The following FRYL variants were observed in gnomAD, a reference collection of about 807,000 sequenced individuals.
FRYL encodes protein furry homolog-like.
A neutral mutation model predicts 351.2 loss-of-function variants in FRYL; 150 were observed. The observed-to-expected ratio is 0.43, with a 90% confidence interval of 0.37 to 0.49. The LOEUF (loss-of-function observed/expected upper bound fraction) is 0.49. FRYL is among the 20% of genes least tolerant of loss of function. The probability of loss-of-function intolerance (pLI) is 0.00; values close to 1 mark genes in which losing one functional copy is unlikely to be tolerated. For synonymous variants in FRYL, 1,153 were observed against 1,257.1 expected (o/e 0.92, Z 1.75); for missense variants, 3,036 against 3,619.3 (o/e 0.84, Z 4.13).
chr4:48,682,629 A>G (rs1343581938), intron 3 of FRYL, among the ~76,000 whole-genome samples: 1 of 152,226 alleles, frequency 6.6e-6, no homozygotes. Flanking sequence ...ACACTTCTCA[A>G]AAGAAGACAT....
chr4:48,565,014 A>G lies in FRYL; in HGVS notation c.3360T>C (p.Pro1120=). ...KAMSAVLCCG[P]VADNVGLSSD... ...ATGAAAGTCCTACATTATCTGCAAC[A>G]GGGCCACAACACAGTACAGCAGACA... The change falls in exon 30 of 64, where the codon CCT becomes CCC. Residue 1120 remains proline, a synonymous_variant. Coordinates refer to ENST00000358350, the MANE Select transcript of FRYL (RefSeq NM_015030.2). 6.2e-7 allele frequency: 1 copy of G among 1,606,928 alleles called. No homozygotes were observed. Among genetic ancestry groups the G allele is most frequent in the South Asian group, 1.1e-5 (1 of 90,636 alleles).
At chr4:48,658,563 C>T (rs1302774132) in intron 3 of FRYL, among the ~76,000 whole-genome samples, 4 of 143,284 alleles carry the variant, frequency 2.8e-5, no homozygotes, top group East Asian at 2.0e-4. Flanking sequence ...ATGGCAAAAC[C>T]CTCATCTCTA....
chr4:48,662,980 T>G (rs1195972002), intron 3 of FRYL, among the ~76,000 whole-genome samples: 1 of 152,042 alleles, frequency 6.6e-6, no homozygotes, highest in East Asian at 1.9e-4. Flanking sequence ...AAAAAGAAGT[T>G]CTTCAGGTGG....
rs188031071 is a variant in FRYL, at chr4:48,613,114, T to C, written c.412-3291A>G. On this transcript the variant is annotated intron_variant, in intron 7 of 63. Coordinates refer to ENST00000358350, the MANE Select transcript of FRYL (RefSeq NM_015030.2). ...CTATCTTGGGGATAAGACCCAAATC[T>C]AATCACAAAATGTTGTTTGTTTCAT... is the stretch of plus-strand genomic sequence containing the variant. 4.6e-5 allele frequency among the ~76,000 whole-genome samples: 7 copies of C among 152,342 alleles called. No individual in the cohort carries two copies. In the East Asian group the frequency reaches 1.3e-3, roughly 29 times the overall value.
chr4:48,685,288 C>G (rs1269398939), intron 2 of FRYL, among the ~76,000 whole-genome samples: 1 of 152,058 alleles, frequency 6.6e-6, no homozygotes, highest in Non-Finnish European at 1.5e-5. Flanking sequence ...TCAAATTTCC[C>G]CAATTGTCTC....
chr4:48,565,314 A>T (rs769992578), intron 29 of FRYL, among the ~76,000 whole-genome samples: 1 of 152,214 alleles, frequency 6.6e-6, no homozygotes, highest in Non-Finnish European at 1.5e-5. Flanking sequence ...AGTAATCCTA[A>T]GTTCTTTAAG....
chr4:48,532,944 A>G (rs1344071028), intron 49 of FRYL, among the ~76,000 whole-genome samples: 2 of 152,236 alleles, frequency 1.3e-5, no homozygotes, highest in Admixed American at 6.5e-5. Context: ...AGAAATCTGG[A>G]AAAAAAATTG....
intron 13 of FRYL, among the ~76,000 whole-genome samples, chr4:48,601,515 C>T (rs1000340749): frequency 2.0e-5 from 3 of 152,104 alleles, no homozygotes; most frequent in African/African-American, 7.2e-5. Context: ...TGACAAGTAC[C>T]CTTTCATTCA....
chr4:48,579,064 T>C lies in FRYL; in HGVS notation c.2437A>G (p.Asn813Asp). 1 of 1,614,034 alleles carries C rather than the reference T, an allele frequency of 6.2e-7. No individual in the cohort carries two copies. Among genetic ancestry groups the C allele is most frequent in the Non-Finnish European group, 8.5e-7 (1 of 1,179,916 alleles). ...ISLSSFLKQE[N>D]LPKHCSTAVS... ...GCTGTAGAGCAGTGTTTAGGAAGATTTTCTTGCTTTAAAAAACTGGAGAGA... is the reference window on the plus strand; with the variant it reads ...GCTGTAGAGCAGTGTTTAGGAAGATCTTCTTGCTTTAAAAAACTGGAGAGA... Residue 813 changes from asparagine to aspartate, a missense_variant, in exon 23 of 64, where the codon AAT becomes GAT. This residue lies in a region of FRYL where 492 missense variants were observed against 551.5 expected (regional missense o/e 0.89). Coordinates refer to ENST00000358350, the MANE Select transcript of FRYL (RefSeq NM_015030.2).
intron 3 of FRYL, among the ~76,000 whole-genome samples, chr4:48,669,907 T>A (rs775136501): frequency 6.6e-6 from 1 of 151,758 alleles, no homozygotes; most frequent in African/African-American, 2.4e-5. Context: ...TTTAAAATAA[T>A]TTTTTTACTG....
At chr4:48,679,787 C>A (rs1307801651) in intron 3 of FRYL, among the ~76,000 whole-genome samples, 1 of 151,820 alleles carries the variant, frequency 6.6e-6, no homozygotes, top group Non-Finnish European at 1.5e-5. Flanking sequence ...CGCTATGTAA[C>A]CCATGAATAT....
intron 3 of FRYL, among the ~76,000 whole-genome samples, chr4:48,640,831 A>G (rs1199259187): frequency 6.6e-6 from 1 of 152,160 alleles, no homozygotes; most frequent in Non-Finnish European, 1.5e-5. Context: ...AAAGAAAAGA[A>G]TAACAAGCCT....
At chr4:48,685,849 G>T (rs1329443265) in intron 2 of FRYL, among the ~76,000 whole-genome samples, 3 of 152,046 alleles carry the variant, frequency 2.0e-5, no homozygotes, top group African/African-American at 7.2e-5. Flanking sequence ...CACCTCCCGG[G>T]TTCAAGCGAT....
chr4:48,543,724 C>T lies in FRYL; in HGVS notation c.5592+83G>A, dbSNP rs145423719. On this transcript the variant is annotated intron_variant, in intron 44 of 63. Transcript: ENST00000358350. ...AATTCTAGATGCCCATTATCTTGCT[C>T]TAGCTATAGCAATCTATATGGACAA... 240 of 1,182,738 alleles carry T rather than the reference C, an allele frequency of 2.0e-4. 2 individuals are homozygous for T. In the African/African-American group the frequency reaches 3.3e-3, roughly 16 times the overall value. The allele number at this position is 1,182,738 out of a possible 1,614,324, so 73.3% of individuals were successfully genotyped here.
intron 33 of FRYL, among the ~76,000 whole-genome samples, chr4:48,558,567 A>G (rs915691401): frequency 1.2e-4 from 18 of 152,260 alleles, no homozygotes; most frequent in African/African-American, 4.1e-4. Context: ...CATACTTGAA[A>G]ATGATTAAGA....
At position 48,528,200 on chromosome 4, in the gene FRYL, CT is replaced by C; in HGVS notation, c.7039del (p.Ser2347ValfsTer16). ...CTGTGATAACTGTGGCCTTTTCCAACTAACAGGAACCAAGGCATTAGAATTA... is the reference window on the plus strand; with the variant it reads ...CTGTGATAACTGTGGCCTTTTCCAACAACAGGAACCAAGGCATTAGAATTA... ...GSNSNALVPV[S>X]WKRPQLSQRR... is the part of the protein sequence containing the mutation. On this transcript the variant is annotated frameshift_variant, in exon 51 of 64. Transcript: ENST00000358350. LOFTEE classifies it high-confidence loss of function. 1 of 1,613,034 alleles carries C rather than the reference CT, an allele frequency of 6.2e-7. No homozygotes were observed. The highest frequency in any genetic ancestry group is 8.5e-7 in the Non-Finnish European group (1 of 1,179,338).
At chr4:48,764,990 G>A (rs1488099125) in intron 1 of FRYL, among the ~76,000 whole-genome samples, 26 of 151,994 alleles carry the variant, frequency 1.7e-4, no homozygotes, top group African/African-American at 6.0e-4. Context: ...GATTACAGGC[G>A]CACACCACCA....
chr4:48,531,036 G>T, intron 50 of FRYL, 120 bp downstream of exon 50: 1 of 691,180 alleles, frequency 1.4e-6, no homozygotes. Flanking sequence ...GTTCATAACA[G>T]CTATCATATT....
At chr4:48,610,667 C>CA (rs1440212641) in intron 7 of FRYL, among the ~76,000 whole-genome samples, 1 of 143,086 alleles carries the variant, frequency 7.0e-6, no homozygotes, top group African/African-American at 2.6e-5. Context: ...TGTATATATA[C>CA]ATATATTATA....
Sources: allele counts gnomAD v4.1 joint callset (sites outside exome capture counted in the v4.1 genomes callset), GRCh38; gene constraint gnomAD v4.1.1; regional missense constraint gnomAD v4.1.1; transcripts MANE v1.5; gene names NCBI Gene and HGNC (gene_info 2026-07-23, HGNC 2026-07-21).